Variants in ITSN2 observed in about 807,000 individuals in gnomAD.
The protein encoded by ITSN2 is intersectin 2.
Under a neutral mutation model 243.7 loss-of-function variants are expected in ITSN2, and 156 were observed. That is an observed-to-expected ratio of 0.64 (90% CI 0.56 to 0.73). The LOEUF is 0.73. Among genes scored for constraint, ITSN2 ranks in the 30% least tolerant of loss-of-function variants. The probability of loss-of-function intolerance (pLI) is 0.00; values close to 1 mark genes in which losing one functional copy is unlikely to be tolerated. For missense variants in ITSN2, 1,801 were observed against 1,996.1 expected (o/e 0.90, Z 1.86); for synonymous variants, 703 against 699.9 (o/e 1.00, Z -0.07).
intron 29 of ITSN2, among the ~76,000 whole-genome samples, chr2:24,237,505 G>C (rs1672296703): frequency 6.6e-6 from 1 of 152,016 alleles, no homozygotes. Flanking sequence ...ATTCCACCAG[G>C]TGGTGTACAT....
intron 13 of ITSN2, among the ~76,000 whole-genome samples, chr2:24,296,866 G>A (rs1483667189): frequency 1.3e-5 from 2 of 152,172 alleles, no homozygotes; most frequent in East Asian, 3.8e-4. Context: ...AAAGGAACAT[G>A]TGTATCTCTG....
intron 32 of ITSN2, chr2:24,214,373 G>A (rs1048633295): frequency 1.3e-5 from 2 of 152,136 alleles, no homozygotes; most frequent in African/African-American, 4.8e-5. Flanking sequence ...TTCCTTTAGA[G>A]TTGGAGAGAA....
At chr2:24,232,433 C>T (rs1022636848) in intron 29 of ITSN2, among the ~76,000 whole-genome samples, 15 of 152,128 alleles carry the variant, frequency 9.9e-5, no homozygotes, top group Non-Finnish European at 1.8e-4. Context: ...TAGACAAAAG[C>T]GCAGACCTGG....
intron 1 of ITSN2, among the ~76,000 whole-genome samples, chr2:24,339,572 G>A (rs973116402): frequency 6.6e-6 from 1 of 152,204 alleles, no homozygotes; most frequent in African/African-American, 2.4e-5. Flanking sequence ...CAGAGGTGGG[G>A]TAGGGAGGAA....
chr2:24,317,900 C>G (rs1459178517), intron 2 of ITSN2, among the ~76,000 whole-genome samples: 4 of 152,208 alleles, frequency 2.6e-5, no homozygotes, highest in African/African-American at 7.2e-5. Flanking sequence ...TTTGTTCCCT[C>G]TCTCAGGCTA....
chr2:24,233,599 T>C (rs1454000562), intron 29 of ITSN2, among the ~76,000 whole-genome samples: 1 of 152,210 alleles, frequency 6.6e-6, no homozygotes, highest in African/African-American at 2.4e-5. Flanking sequence ...CCAACTCTAC[T>C]ACTTACTCAG....
rs768930561 is a variant in ITSN2, at chr2:24,209,956, C to T, written c.4335G>A (p.Lys1445=). ...LLHSGKLYKT[K]SNKELHGFLF... is the part of the protein sequence containing the mutation. ...GGAATCCGTGCAGTTCCTTGTTGCT[C>T]TTGGTCTTGTATAATTTCCCACTGT... Residue 1445 remains lysine, a synonymous_variant, in exon 35 of 40, where the codon AAG becomes AAA. Coordinates refer to ENST00000355123, the MANE Select transcript of ITSN2 (RefSeq NM_006277.3). 1 of 1,614,050 alleles carries T rather than the reference C, an allele frequency of 6.2e-7. No homozygotes were observed. Among genetic ancestry groups the T allele is most frequent in the African/African-American group, 1.3e-5 (1 of 74,928 alleles).
At chr2:24,263,385 T>C (rs1482116122) in intron 20 of ITSN2, among the ~76,000 whole-genome samples, 4 of 152,214 alleles carry the variant, frequency 2.6e-5, no homozygotes, top group Non-Finnish European at 4.4e-5. Context: ...TAAAATCATG[T>C]TGAATCCATT....
intron 2 of ITSN2, among the ~76,000 whole-genome samples, chr2:24,327,820 T>C (rs1259984907): frequency 6.6e-6 from 1 of 152,236 alleles, no homozygotes; most frequent in Non-Finnish European, 1.5e-5. Flanking sequence ...ATATACCTTT[T>C]GGTTATTCCT....
chr2:24,342,251 G>A (rs908554333), intron 1 of ITSN2, among the ~76,000 whole-genome samples: 1 of 151,940 alleles, frequency 6.6e-6, no homozygotes, highest in African/African-American at 2.4e-5. Context: ...AGGCTGGAGT[G>A]CAGTGGCATA....
chr2:24,277,637 C>G (rs1678182417), intron 17 of ITSN2, among the ~76,000 whole-genome samples: 1 of 152,232 alleles, frequency 6.6e-6, no homozygotes, highest in South Asian at 2.1e-4. Flanking sequence ...ATAAGACTAA[C>G]AAGGCTTGAC....
intron 29 of ITSN2, chr2:24,241,610 T>C (rs1284235174): frequency 6.6e-6 from 1 of 152,616 alleles, no homozygotes; most frequent in Non-Finnish European, 1.5e-5. Context: ...TGTTTCCAGT[T>C]CTTGGCCTTT....
intron 16 of ITSN2, among the ~76,000 whole-genome samples, 182 bp downstream of exon 16, chr2:24,286,030 T>C (rs1679451991): frequency 6.6e-6 from 1 of 152,198 alleles, no homozygotes; most frequent in African/African-American, 2.4e-5. Context: ...TTTAGTTATA[T>C]GACACTATGT....
At chr2:24,325,822 T>C (rs756379484) in intron 2 of ITSN2, among the ~76,000 whole-genome samples, 2 of 152,240 alleles carry the variant, frequency 1.3e-5, no homozygotes, top group Admixed American at 6.5e-5. Context: ...CAAGTTCTTA[T>C]AGTCAGTGAA....
Position 24,298,755 on chromosome 2 carries a change from C to T in ITSN2, c.1404G>A (p.Gln468=). ...RRLEWERIRR[Q]ELLNQKNREQ... is the part of the protein sequence containing the mutation. ...CTCTATTCTTTTGATTGAGAAGCTC[C>T]TGTCGCCGAATTCTCTCCCATTCTA... The change falls in exon 13 of 40, where the codon CAG becomes CAA. Residue 468 remains glutamine, a synonymous_variant. Transcript: ENST00000355123. 1 of 1,612,944 alleles carries T rather than the reference C, an allele frequency of 6.2e-7. No individual in the cohort carries two copies. Among genetic ancestry groups the T allele is most frequent in the South Asian group, 1.1e-5 (1 of 90,914 alleles).
intron 5 of ITSN2, among the ~76,000 whole-genome samples, chr2:24,311,880 TAGAG>T (rs1350027589): frequency 6.6e-6 from 1 of 152,070 alleles, no homozygotes; most frequent in Non-Finnish European, 1.5e-5. Context: ...CACATATATA[TAGAG>T]AGAGAGGAAA....
At chr2:24,207,874 C>A (rs1327112436) in intron 37 of ITSN2, among the ~76,000 whole-genome samples, 1 of 151,786 alleles carries the variant, frequency 6.6e-6, no homozygotes, top group African/African-American at 2.4e-5. Flanking sequence ...GGAGCAGTGG[C>A]TGCTCAGGAG....
At chr2:24,346,626 TATAAG>T (rs1687555332) in intron 1 of ITSN2, among the ~76,000 whole-genome samples, 1 of 152,180 alleles carries the variant, frequency 6.6e-6, no homozygotes, top group African/African-American at 2.4e-5. Context: ...ACCATACTGA[TATAAG>T]ATATTAATAA....
intron 30 of ITSN2, 37 bp downstream of exon 30, chr2:24,220,908 A>C: frequency 6.4e-7 from 1 of 1,566,070 alleles, no homozygotes; most frequent in Non-Finnish European, 8.6e-7. Flanking sequence ...GAGAGACAGC[A>C]GATACCCCGA....
Sources: allele counts gnomAD v4.1 joint callset (sites outside exome capture counted in the v4.1 genomes callset), GRCh38; gene constraint gnomAD v4.1.1; transcripts MANE v1.5; gene names NCBI Gene and HGNC (gene_info 2026-07-23, HGNC 2026-07-21).